Variants in CLCN3 observed in about 807,000 individuals in gnomAD.
CLCN3 encodes the protein H(+)/Cl(-) exchange transporter 3.
CLCN3 carries 16 observed loss-of-function variants against 83.4 expected under a neutral mutation model. That is an observed-to-expected ratio of 0.19 (90% confidence interval 0.13 to 0.29). The LOEUF is 0.29. CLCN3 is among the 10% of genes least tolerant of loss of function. CLCN3 has a pLI of 1.00. For missense variants in CLCN3, 544 were observed against 1,006.0 expected (o/e 0.54, Z 6.21); for synonymous variants, 322 against 346.2 (o/e 0.93, Z 0.78).
intron 1 of CLCN3, among the ~76,000 whole-genome samples, chr4:169,635,528 C>T (rs185523244): frequency 1.3e-5 from 2 of 152,122 alleles, no homozygotes; most frequent in Non-Finnish European, 2.9e-5. Flanking sequence ...ACCTCTTACA[C>T]CTGATAAAAT....
chr4:169,632,955 G>A (rs1306618076), intron 1 of CLCN3, among the ~76,000 whole-genome samples: 2 of 152,020 alleles, frequency 1.3e-5, no homozygotes, highest in Non-Finnish European at 2.9e-5. Flanking sequence ...GATAATATAG[G>A]AATTTATTAG....
At chr4:169,673,410 T>C (rs1367660418) in intron 2 of CLCN3, among the ~76,000 whole-genome samples, 2 of 152,214 alleles carry the variant, frequency 1.3e-5, no homozygotes, top group Non-Finnish European at 1.5e-5. Context: ...AAAATGAGAA[T>C]AGCAGTCTGT....
At chr4:169,640,658 C>G (rs373481616) in intron 2 of CLCN3, among the ~76,000 whole-genome samples, 3 of 152,088 alleles carry the variant, frequency 2.0e-5, no homozygotes, top group Admixed American at 6.5e-5. Context: ...TTGCAAGTAA[C>G]AGGAAGGGAG....
At chr4:169,718,446 C>T (rs959722020) in intron 12 of CLCN3, among the ~76,000 whole-genome samples, 2 of 152,106 alleles carry the variant, frequency 1.3e-5, no homozygotes, top group Non-Finnish European at 2.9e-5. Flanking sequence ...CTGCTATACC[C>T]TGCATATCTT....
At chr4:169,626,373 T>C (rs918721901) in intron 1 of CLCN3, among the ~76,000 whole-genome samples, 5 of 152,200 alleles carry the variant, frequency 3.3e-5, no homozygotes, top group African/African-American at 1.2e-4. Flanking sequence ...GAGGCTTCAT[T>C]ACATAGGCAC....
intron 9 of CLCN3, among the ~76,000 whole-genome samples, chr4:169,703,212 TTGGAAAAGTAGTGCTGA>T (rs1195177209): frequency 6.6e-6 from 1 of 152,228 alleles, no homozygotes; most frequent in Non-Finnish European, 1.5e-5. Flanking sequence ...CCACATGCTG[TTGGAAAAGTAGTGCTGA>T]TGGACTAGCT....
At chr4:169,713,046 T>G in intron 11 of CLCN3, 33 bp from the exon 12 acceptor site, 1 of 1,538,360 alleles carries the variant, frequency 6.5e-7, no homozygotes, top group Non-Finnish European at 9.0e-7. Flanking sequence ...ATCTATCAGT[T>G]TAAAAGTGTT....
intron 2 of CLCN3, among the ~76,000 whole-genome samples, chr4:169,668,544 G>C (rs1282608005): frequency 1.3e-5 from 2 of 152,122 alleles, no homozygotes; most frequent in Non-Finnish European, 2.9e-5. Context: ...GCTGGAATTT[G>C]ACTCTAGGTC....
intron 2 of CLCN3, among the ~76,000 whole-genome samples, chr4:169,655,469 T>A (rs1730853310): frequency 6.6e-6 from 1 of 152,174 alleles, no homozygotes; most frequent in African/African-American, 2.4e-5. Flanking sequence ...TGGTTCTGAT[T>A]TTGAAAAATT....
chr4:169,679,000 G>A (rs1470992091), intron 2 of CLCN3, among the ~76,000 whole-genome samples: 4 of 151,672 alleles, frequency 2.6e-5, no homozygotes, highest in Admixed American at 1.3e-4. Flanking sequence ...GGGCGGAGGC[G>A]CCCCCCACCT....
intron 12 of CLCN3, among the ~76,000 whole-genome samples, chr4:169,714,301 C>A (rs1733342556): frequency 6.7e-6 from 1 of 149,472 alleles, no homozygotes; most frequent in Admixed American, 6.7e-5. Flanking sequence ...TTTTTTTTAA[C>A]ATGTTGTAGA....
chr4:169,718,483 C>G (rs1733509745), intron 12 of CLCN3, among the ~76,000 whole-genome samples: 2 of 152,172 alleles, frequency 1.3e-5, no homozygotes, highest in African/African-American at 4.8e-5. Flanking sequence ...GTCCTGCCAT[C>G]TCATTAGTGA....
At chr4:169,705,587 A>T (rs1207246442) in intron 10 of CLCN3, among the ~76,000 whole-genome samples, 2 of 152,234 alleles carry the variant, frequency 1.3e-5, no homozygotes, top group Non-Finnish European at 2.9e-5. Context: ...TGGTAAAATA[A>T]GTGCCTAGTT....
intron 1 of CLCN3, among the ~76,000 whole-genome samples, chr4:169,621,703 G>A (rs1466953669): frequency 6.6e-6 from 1 of 152,208 alleles, no homozygotes; most frequent in Non-Finnish European, 1.5e-5. Context: ...AACTTTTGGA[G>A]CTATGCAGTT....
At chr4:169,692,447 T>C (rs1581256594) in intron 7 of CLCN3, 127 bp downstream of exon 7, 3 of 401,506 alleles carry the variant, frequency 7.5e-6, no homozygotes, top group South Asian at 1.5e-4. Flanking sequence ...GATTTGTGCT[T>C]CTGTTTTTCC....
At chr4:169,648,665 G>C (rs1401640048) in intron 2 of CLCN3, among the ~76,000 whole-genome samples, 1 of 152,202 alleles carries the variant, frequency 6.6e-6, no homozygotes, top group African/African-American at 2.4e-5. Flanking sequence ...ATACTCTAGT[G>C]ATAGAGGGTA....
intron 3 of CLCN3, chr4:169,680,448 G>A (rs1581242765): frequency 2.8e-6 from 1 of 361,080 alleles, no homozygotes; most frequent in East Asian, 5.4e-5. Flanking sequence ...ACAATAAGAA[G>A]ACAAAATAAG....
At position 169,707,600 on chromosome 4, in the gene CLCN3, G is replaced by T. The variant is rs10007056; in HGVS notation, c.2149+334G>T. Among the ~76,000 whole-genome samples the T allele has an allele frequency of 3.4e-3, 518 of 152,248 alleles. 2 individuals are homozygous for T. Among genetic ancestry groups the T allele is most frequent in the African/African-American group, 0.011 (444 of 41,546 alleles). On this transcript the variant is annotated intron_variant, in intron 11 of 12. Transcript: ENST00000513761. ...ATAAGACCTTAGCTAAATGCATTCAGTCAAATACATTCTTGTATTTAATAA... is the reference window on the plus strand; with the variant it reads ...ATAAGACCTTAGCTAAATGCATTCATTCAAATACATTCTTGTATTTAATAA...
intron 1 of CLCN3, among the ~76,000 whole-genome samples, chr4:169,626,940 C>T (rs1394328147): frequency 2.0e-5 from 3 of 152,172 alleles, no homozygotes; most frequent in South Asian, 2.1e-4. Context: ...CCCTATCTTA[C>T]GTTTAGAATT....
Sources: allele counts gnomAD v4.1 joint callset (sites outside exome capture counted in the v4.1 genomes callset), GRCh38; gene constraint gnomAD v4.1.1; transcripts MANE v1.5; gene names NCBI Gene and HGNC (gene_info 2026-07-23, HGNC 2026-07-21).